The following UBE2F variants were observed in gnomAD, a reference collection of about 807,000 sequenced individuals.
UBE2F encodes ubiquitin conjugating enzyme E2 F (putative), also known as NEDD8-conjugating enzyme UBE2F.
A neutral mutation model predicts 29.6 loss-of-function variants in UBE2F; 5 were observed. The observed-to-expected ratio is 0.17, with a 90% CI of 0.09 to 0.36. The LOEUF (loss-of-function observed/expected upper bound fraction) is 0.36. Ranked by LOEUF, UBE2F falls within the 10% of genes least tolerant of loss-of-function variation. The probability of loss-of-function intolerance (pLI) is 1.00; values close to 1 mark genes in which losing one functional copy is unlikely to be tolerated. For synonymous variants in UBE2F, 66 were observed against 81.8 expected (o/e 0.81, Z 1.04); for missense variants, 141 against 228.5 (o/e 0.62, Z 2.47).
Position 237,967,689 on chromosome 2 carries a change from A to G in UBE2F, c.-17+557A>G, listed in dbSNP as rs1053349868. On this transcript the variant is annotated intron_variant, in intron 1 of 9. Coordinates refer to ENST00000272930, the MANE Select transcript of UBE2F (RefSeq NM_080678.3). This position sits in a 1 kb window ranked among gnomAD's most constrained non-coding sequence, Gnocchi z 6.3. ...CCCGGTCCTCGTACCTGCAGCGGGAAGAGTAAGTATGGACGCTTACCTACA... is the reference window on the plus strand; with the variant it reads ...CCCGGTCCTCGTACCTGCAGCGGGAGGAGTAAGTATGGACGCTTACCTACA... Among the ~76,000 whole-genome samples, 1 of 152,192 alleles carries G rather than the reference A, an allele frequency of 6.6e-6. No homozygotes were observed. The highest frequency in any genetic ancestry group is 2.1e-4 in the South Asian group (1 of 4,834).
chr2:238,019,674 AATGAG>A (rs1268608561), intron 5 of UBE2F, among the ~76,000 whole-genome samples: 1 of 8,498 alleles, frequency 1.2e-4, no homozygotes, highest in African/African-American at 3.4e-4. Flanking sequence ...TTTTTTTTTT[AATGAG>A]ATGGAGTTTC....
In UBE2F at chr2:237,985,853, CA is replaced by C. The variant is rs563060855; in HGVS notation, c.119-2108del. ...GGTTCTCTTTTTTCCACCTTCTTGC[CA>C]ACATTTATCTCTCTTTGATAGCAGC... On this transcript the variant is annotated intron_variant, in intron 2 of 9. Transcript: ENST00000272930. 2.4e-4 allele frequency among the ~76,000 whole-genome samples: 37 copies of C among 152,212 alleles called. No homozygotes were observed. The South Asian group carries it at 2.5e-3, about 10-fold the overall frequency.
At chr2:238,010,354 A>G (rs1421536764) in intron 4 of UBE2F, among the ~76,000 whole-genome samples, 3 of 152,108 alleles carry the variant, frequency 2.0e-5, no homozygotes, top group Admixed American at 6.6e-5. Context: ...TTGTATTCTT[A>G]GTATAGACGG....
At position 237,997,487 on chromosome 2, in the gene UBE2F, A is replaced by T. The variant is rs550458289; in HGVS notation, c.214+2678A>T. ...AAACTTGCTTCATATCATGGTTTTT[A>T]AAAAAAATTTTAGAATCCTGCTCCT... is the stretch of plus-strand genomic sequence containing the variant. On this transcript the variant is annotated intron_variant, in intron 4 of 9. Coordinates refer to ENST00000272930, the MANE Select transcript of UBE2F (RefSeq NM_080678.3). Among the ~76,000 whole-genome samples, 51 of 152,104 alleles carry T rather than the reference A, an allele frequency of 3.4e-4. No individual in the cohort carries two copies. In the South Asian group the frequency reaches 6.8e-3, roughly 20 times the overall value.
chr2:238,025,306 G>A (rs765815759), intron 5 of UBE2F, 36 bp from the exon 6 acceptor site: 4 of 1,581,948 alleles, frequency 2.5e-6, no homozygotes, highest in Non-Finnish European at 3.5e-6. Flanking sequence ...TGCAGAGACT[G>A]TCGGCGTGAT....
chr2:237,968,496 G>T (rs2063106940), intron 1 of UBE2F, among the ~76,000 whole-genome samples: 1 of 152,166 alleles, frequency 6.6e-6, no homozygotes, highest in South Asian at 2.1e-4. Context: ...GTGACCCGCA[G>T]TCCCATCCTT....
intron 2 of UBE2F, among the ~76,000 whole-genome samples, chr2:237,980,119 T>A (rs1448505323): frequency 6.6e-6 from 1 of 152,248 alleles, no homozygotes; most frequent in African/African-American, 2.4e-5. Flanking sequence ...GAGGCAGTGC[T>A]TCAGGTTTAA....
chr2:237,993,708 G>A (rs1321477545), intron 3 of UBE2F, among the ~76,000 whole-genome samples: 1 of 152,136 alleles, frequency 6.6e-6, no homozygotes, highest in Non-Finnish European at 1.5e-5. Flanking sequence ...GTGAGACCCT[G>A]TCTAAAAAAA....
rs1199640405 is a variant in UBE2F at position 238,040,666 on chromosome 2, T to C, written c.508-622T>C. Among the ~76,000 whole-genome samples the C allele has an allele frequency of 6.6e-6, 1 of 152,062 alleles. No individual in the cohort carries two copies. Among genetic ancestry groups the C allele is most frequent in the Admixed American group, 6.5e-5 (1 of 15,278 alleles). On this transcript the variant is annotated intron_variant, in intron 9 of 9. Transcript: ENST00000272930. The surrounding 1 kb of genome is among the most constrained non-coding windows in gnomAD (Gnocchi z 4.4). ...TGACAGTGGCCCAGATCCGAGAAGA[T>C]TGTTCCACCCATACTGGCCTGGGGT...
chr2:238,008,145 A>AT (rs57365100), intron 4 of UBE2F, among the ~76,000 whole-genome samples: 6,998 of 151,826 alleles, frequency 0.046, 567 homozygotes, highest in African/African-American at 0.16. Context: ...CCAGCTAATT[A>AT]TTTTTTGTAG....
intron 2 of UBE2F, among the ~76,000 whole-genome samples, chr2:237,980,586 T>C (rs919769366): frequency 1.3e-5 from 2 of 152,198 alleles, no homozygotes; most frequent in African/African-American, 4.8e-5. Flanking sequence ...CTTCAACATA[T>C]GAATTTGGGG....
At chr2:238,034,558 C>G (rs2064661275) in intron 8 of UBE2F, among the ~76,000 whole-genome samples, 1 of 152,128 alleles carries the variant, frequency 6.6e-6, no homozygotes, top group Non-Finnish European at 1.5e-5. Flanking sequence ...TTCTGATCAA[C>G]TCATTTATCT....
chr2:237,990,930 T>C (rs531881653), intron 3 of UBE2F, among the ~76,000 whole-genome samples: 5 of 152,250 alleles, frequency 3.3e-5, no homozygotes, highest in African/African-American at 7.2e-5. Context: ...CATGTAGACA[T>C]TTAATCAAAA....
chr2:237,981,689 C>T (rs1576594179), intron 2 of UBE2F, among the ~76,000 whole-genome samples: 1 of 123,684 alleles, frequency 8.1e-6, no homozygotes, highest in East Asian at 2.5e-4. Flanking sequence ...TGCAGTGGTA[C>T]GATCTCAGCA....
At chr2:237,975,252 C>T (rs1432710153) in intron 2 of UBE2F, among the ~76,000 whole-genome samples, 2 of 151,980 alleles carry the variant, frequency 1.3e-5, no homozygotes, top group South Asian at 4.2e-4. Flanking sequence ...CAAGCGTGCA[C>T]CACCATGCTT....
intron 1 of UBE2F, among the ~76,000 whole-genome samples, chr2:237,970,738 C>T (rs375142323): frequency 3.9e-5 from 6 of 152,286 alleles, no homozygotes; most frequent in East Asian, 3.9e-4. Flanking sequence ...TTTTGAGATG[C>T]GGTTTCACTC....
intron 4 of UBE2F, among the ~76,000 whole-genome samples, chr2:238,002,167 C>T (rs1177582280): frequency 1.3e-5 from 2 of 150,116 alleles, no homozygotes; most frequent in Admixed American, 6.7e-5. Context: ...CAGGTTCAAG[C>T]GATTCTCCTG....
intron 5 of UBE2F, 116 bp from the exon 6 acceptor site, chr2:238,025,226 A>T (rs1469217568): frequency 1.2e-6 from 1 of 855,468 alleles, no homozygotes; most frequent in East Asian, 2.5e-5. Context: ...GTCAAACTGC[A>T]CACTGAGTCA....
chr2:238,012,515 A>G (rs1449509739), intron 4 of UBE2F, among the ~76,000 whole-genome samples: 1 of 152,200 alleles, frequency 6.6e-6, no homozygotes, highest in Non-Finnish European at 1.5e-5. Flanking sequence ...TATGTATACC[A>G]ATGTAGTATT....
Sources: allele counts gnomAD v4.1 joint callset (sites outside exome capture counted in the v4.1 genomes callset), GRCh38; gene constraint gnomAD v4.1.1; non-coding constraint Gnocchi (gnomAD v3.1); transcripts MANE v1.5; gene names NCBI Gene and HGNC (gene_info 2026-07-23, HGNC 2026-07-21).